RUNX1: variants seen among roughly 807,000 people sequenced by gnomAD.
The protein encoded by RUNX1 is RUNX family transcription factor 1, also known as runt-related transcription factor 1.
RUNX1 carries 19 observed loss-of-function variants against 42.8 expected under a neutral mutation model. That is an observed-to-expected ratio of 0.44 (90% CI 0.31 to 0.65). RUNX1 has a LOEUF of 0.65. Ranked by LOEUF, RUNX1 falls within the 30% of genes least tolerant of loss-of-function variation. The pLI, the probability that RUNX1 is intolerant of heterozygous loss-of-function variation, is 0.07. For synonymous variants in RUNX1, 271 were observed against 289.4 expected, an observed-to-expected ratio of 0.94 and a Z score of 0.64; for missense variants, 528 against 672.0, an observed-to-expected ratio of 0.79 and a Z score of 2.37.
chr21:34,852,012 C>G (rs994359741), intron 6 of RUNX1, among the ~76,000 whole-genome samples: 1 of 151,902 alleles, frequency 6.6e-6, no homozygotes, highest in Non-Finnish European at 1.5e-5. Context: ...ACTAAAAATA[C>G]AAAAAATTAG....
intron 2 of RUNX1, among the ~76,000 whole-genome samples, chr21:34,979,779 TC>T (rs2058832908): frequency 6.6e-6 from 1 of 152,244 alleles, no homozygotes; most frequent in Admixed American, 6.5e-5. Context: ...TATAAAAACA[TC>T]AGCTTTGAAA....
intron 2 of RUNX1, among the ~76,000 whole-genome samples, chr21:34,962,704 C>T (rs1001791778): frequency 2.0e-5 from 3 of 152,224 alleles, no homozygotes; most frequent in African/African-American, 7.2e-5. Flanking sequence ...TCCACTCCCT[C>T]GTTCACAGAC....
chr21:34,941,466 C>T (rs1004884248), intron 2 of RUNX1, among the ~76,000 whole-genome samples: 2 of 152,340 alleles, frequency 1.3e-5, no homozygotes, highest in Non-Finnish European at 2.9e-5. Context: ...CATCTAACTT[C>T]ACTACACAGA....
chr21:34,919,081 A>G (rs1050925757), intron 2 of RUNX1, among the ~76,000 whole-genome samples: 1 of 152,154 alleles, frequency 6.6e-6, no homozygotes, highest in African/African-American at 2.4e-5. Flanking sequence ...TGAGGTAGGT[A>G]TTGTTCCTAT....
chr21:34,851,573 C>T (rs1294107563), intron 6 of RUNX1, among the ~76,000 whole-genome samples: 1 of 152,114 alleles, frequency 6.6e-6, no homozygotes, highest in Non-Finnish European at 1.5e-5. Context: ...GAAACAGAAG[C>T]CTAAATGCAG....
intron 2 of RUNX1, among the ~76,000 whole-genome samples, chr21:35,039,550 CA>C: frequency 6.6e-6 from 1 of 152,136 alleles, no homozygotes; most frequent in Non-Finnish European, 1.5e-5. Context: ...ATAAAACTTA[CA>C]AAGCATCATA....
At chr21:34,976,210 T>A (rs2058800636) in intron 2 of RUNX1, among the ~76,000 whole-genome samples, 2 of 152,178 alleles carry the variant, frequency 1.3e-5, no homozygotes, top group African/African-American at 4.8e-5. Flanking sequence ...AGATTACAGA[T>A]TAATACAAAG....
At position 34,907,282 on chromosome 21, in the gene RUNX1, C is replaced by T. The variant is rs56067265; in HGVS notation, c.59-14319G>A. Among the ~76,000 whole-genome samples, 3,271 of 152,204 alleles carry T rather than the reference C, an allele frequency of 0.021. 143 individuals are homozygous for T. The highest frequency in any genetic ancestry group is 0.075 in the African/African-American group (3,127 of 41,506). On this transcript the variant is annotated intron_variant, in intron 2 of 8. Coordinates refer to ENST00000675419, the MANE Select transcript of RUNX1 (RefSeq NM_001754.5). The surrounding 1 kb of genome is among the most constrained non-coding windows in gnomAD (Gnocchi z 5.3). ...TTCTAATTTAGCAAAAAGAAGTATGCTGCCATGTGAAAAGTTTCTAAACAG... is the reference window on the plus strand; with the variant it reads ...TTCTAATTTAGCAAAAAGAAGTATGTTGCCATGTGAAAAGTTTCTAAACAG...
chr21:34,790,028 G>C lies in RUNX1; in HGVS notation c.*2107C>G. ...TTTGCTGACATTTTATGGTAATTTAGCTGCAAAAATGTAATACGGAATAAT... is the reference window on the plus strand; with the variant it reads ...TTTGCTGACATTTTATGGTAATTTACCTGCAAAAATGTAATACGGAATAAT... On this transcript the variant is annotated 3_prime_UTR_variant, in exon 9 of 9. Coordinates refer to ENST00000675419, the MANE Select transcript of RUNX1 (RefSeq NM_001754.5). 4.3e-6 allele frequency: 1 copy of C among 232,948 alleles called. No individual in the cohort carries two copies. The highest frequency in any genetic ancestry group is 8.5e-6 in the Non-Finnish European group (1 of 117,924). The allele number at this position is 232,948 out of a possible 1,614,324, so 14.4% of individuals were successfully genotyped here.
intron 2 of RUNX1, among the ~76,000 whole-genome samples, chr21:35,033,558 C>T (rs1445926569): frequency 6.6e-6 from 1 of 152,196 alleles, no homozygotes; most frequent in Non-Finnish European, 1.5e-5. Context: ...GCAATGACTT[C>T]TCTTGCTGAA....
At chr21:34,943,377 C>CCCA in intron 2 of RUNX1, among the ~76,000 whole-genome samples, 1 of 152,170 alleles carries the variant, frequency 6.6e-6, no homozygotes, top group Non-Finnish European at 1.5e-5. Flanking sequence ...GGACCTTAGG[C>CCCA]CCATTCCAGC....
At position 34,789,472 on chromosome 21, in the gene RUNX1, C is replaced by G; in HGVS notation, c.*2663G>C. 1 of 233,670 alleles carries G rather than the reference C, an allele frequency of 4.3e-6. No homozygotes were observed. Among genetic ancestry groups the G allele is most frequent in the Middle Eastern group, 1.3e-3 (1 of 786 alleles). The allele number at this position is 233,670 out of a possible 1,614,324, so 14.5% of individuals were successfully genotyped here. A position where few individuals can be genotyped will look rare whatever the true frequency, so the allele number is the denominator to read the frequency against. ...TATTCAATACTTCTCCTGGACCAGACACATGCAGTTATTACATGATTGGCT... is the reference window on the plus strand; with the variant it reads ...TATTCAATACTTCTCCTGGACCAGAGACATGCAGTTATTACATGATTGGCT... On this transcript the variant is annotated 3_prime_UTR_variant, in exon 9 of 9. Coordinates refer to ENST00000675419, the MANE Select transcript of RUNX1 (RefSeq NM_001754.5).
chr21:34,888,880 C>G (rs1345605042), intron 3 of RUNX1, among the ~76,000 whole-genome samples: 1 of 151,694 alleles, frequency 6.6e-6, no homozygotes, highest in African/African-American at 2.4e-5. Context: ...CCGCGCGCTA[C>G]TGTACGCAGC....
At chr21:35,031,489 C>T (rs2059272816) in intron 2 of RUNX1, among the ~76,000 whole-genome samples, 1 of 151,976 alleles carries the variant, frequency 6.6e-6, no homozygotes, top group African/African-American at 2.4e-5. Context: ...ACCCTATGAT[C>T]CAGAAATCTT....
intron 2 of RUNX1, among the ~76,000 whole-genome samples, chr21:34,908,377 A>T (rs1008208263): frequency 7.2e-5 from 11 of 152,198 alleles, no homozygotes; most frequent in African/African-American, 2.7e-4. Flanking sequence ...CCCATTAATG[A>T]TCTGAACTGA....
At chr21:34,977,966 G>A (rs2058815720) in intron 2 of RUNX1, among the ~76,000 whole-genome samples, 1 of 151,358 alleles carries the variant, frequency 6.6e-6, no homozygotes, top group South Asian at 2.1e-4. Flanking sequence ...CTGTCGCCCA[G>A]GCTGGATTGC....
At chr21:34,801,967 T>G (rs2056613994) in intron 7 of RUNX1, among the ~76,000 whole-genome samples, 1 of 36,634 alleles carries the variant, frequency 2.7e-5, no homozygotes, top group Non-Finnish European at 4.9e-5. Context: ...CACTTTCTTA[T>G]TCTCACCTCC....
intron 2 of RUNX1, among the ~76,000 whole-genome samples, chr21:34,906,308 G>A (rs941273094): frequency 2.0e-5 from 3 of 152,206 alleles, no homozygotes; most frequent in Non-Finnish European, 2.9e-5. Context: ...AATCCATTAA[G>A]TGTTGCTAGT....
chr21:34,842,329 C>G (rs1402891284), intron 6 of RUNX1, among the ~76,000 whole-genome samples: 1 of 151,568 alleles, frequency 6.6e-6, no homozygotes, highest in Non-Finnish European at 1.5e-5. Flanking sequence ...CCCATCTCCA[C>G]TAAAAATATA....
Sources: gnomAD v4.1 joint callset for allele counts (sites outside exome capture counted in the v4.1 genomes callset) on GRCh38, gnomAD v4.1.1 for gene constraint, Gnocchi (gnomAD v3.1) non-coding constraint, MANE v1.5 for transcripts, NCBI Gene and HGNC (gene_info 2026-07-23, HGNC 2026-07-21) for gene names.